Variants in GSG1L observed in about 807,000 individuals in gnomAD.
GSG1L encodes the protein germ cell-specific gene 1-like protein.
In GSG1L, 24 loss-of-function variants were observed where a neutral mutation model predicts 42.1. The ratio of observed to expected loss-of-function variants is 0.57; its 90% confidence interval spans 0.41 to 0.80. GSG1L has a LOEUF of 0.80. Among genes scored for constraint, GSG1L ranks in the 30% least tolerant of loss-of-function variants. The pLI is 0.00. For missense variants in GSG1L, 445 were observed against 472.2 expected, an observed-to-expected ratio of 0.94 and a Z score of 0.53; for synonymous variants, 215 against 203.5, an observed-to-expected ratio of 1.06 and a Z score of -0.48.
intron 5 of GSG1L, among the ~76,000 whole-genome samples, chr16:27,810,538 G>A (rs1443360008): frequency 6.6e-6 from 1 of 152,158 alleles, no homozygotes; most frequent in Non-Finnish European, 1.5e-5. Context: ...GGCTAGGCCT[G>A]TACTTCCCAG....
At chr16:27,832,908 C>T (rs1403439026) in intron 4 of GSG1L, among the ~76,000 whole-genome samples, 1 of 152,152 alleles carries the variant, frequency 6.6e-6, no homozygotes, top group African/African-American at 2.4e-5. Context: ...TTCTCTCAGT[C>T]TATAGCTTTC....
At chr16:27,947,430 G>GAAAGAA (rs2084889928) in intron 2 of GSG1L, among the ~76,000 whole-genome samples, 1 of 85,384 alleles carries the variant, frequency 1.2e-5, no homozygotes, top group South Asian at 3.4e-4. Flanking sequence ...GAAAGAAAGA[G>GAAAGAA]AAGGAAGGAA....
At chr16:27,872,004 G>C (rs2083827617) in intron 3 of GSG1L, among the ~76,000 whole-genome samples, 1 of 152,206 alleles carries the variant, frequency 6.6e-6, no homozygotes, top group South Asian at 2.1e-4. Context: ...CTTTAAGCAT[G>C]ATATGTAAAT....
At chr16:28,055,464 T>C (rs562353541) in intron 1 of GSG1L, among the ~76,000 whole-genome samples, 42 of 149,414 alleles carry the variant, frequency 2.8e-4, no homozygotes, top group African/African-American at 9.5e-4. Flanking sequence ...CTCCCCCTTT[T>C]ATTATTTTTT....
chr16:28,047,717 A>G (rs1223838456), intron 1 of GSG1L, among the ~76,000 whole-genome samples: 1 of 152,248 alleles, frequency 6.6e-6, no homozygotes, highest in African/African-American at 2.4e-5. Context: ...TAGCCATTTT[A>G]TCTTGACAAA....
At chr16:27,795,435 T>C (rs1320438164) in intron 6 of GSG1L, among the ~76,000 whole-genome samples, 1 of 152,190 alleles carries the variant, frequency 6.6e-6, no homozygotes. Flanking sequence ...TTAAGCCGTG[T>C]GGCTTCTGAC....
intron 4 of GSG1L, among the ~76,000 whole-genome samples, chr16:27,844,585 G>C (rs965468684): frequency 1.3e-5 from 2 of 152,214 alleles, no homozygotes; most frequent in Admixed American, 1.3e-4. Context: ...AAAACAATGA[G>C]AGTAGCTGTG....
chr16:27,804,191 C>T (rs2082929846), intron 6 of GSG1L, among the ~76,000 whole-genome samples: 1 of 152,074 alleles, frequency 6.6e-6, no homozygotes, highest in South Asian at 2.1e-4. Flanking sequence ...CCCTCCACTG[C>T]ATAGCGAACT....
intron 3 of GSG1L, among the ~76,000 whole-genome samples, chr16:27,852,456 C>T (rs1416806417): frequency 6.6e-6 from 1 of 151,930 alleles, no homozygotes; most frequent in Non-Finnish European, 1.5e-5. Flanking sequence ...GAGGAGAAGT[C>T]CCGGGGTCTG....
At chr16:27,988,930 G>C (rs941036625) in intron 1 of GSG1L, among the ~76,000 whole-genome samples, 2 of 151,592 alleles carry the variant, frequency 1.3e-5, no homozygotes, top group Non-Finnish European at 2.9e-5. Flanking sequence ...GTGCATGCCT[G>C]TAATCCCTGC....
chr16:27,819,440 C>T (rs761920420), intron 5 of GSG1L, among the ~76,000 whole-genome samples: 5 of 152,152 alleles, frequency 3.3e-5, no homozygotes, highest in Non-Finnish European at 5.9e-5. Flanking sequence ...AAAGGCCGTA[C>T]CGACAGCACG....
At chr16:27,922,856 T>C (rs139773508) in intron 2 of GSG1L, among the ~76,000 whole-genome samples, 1 of 152,098 alleles carries the variant, frequency 6.6e-6, no homozygotes, top group Admixed American at 6.5e-5. Flanking sequence ...CAATCATAGC[T>C]CACTGCAGCC....
rs2085041294 is a variant in GSG1L, at chr16:27,959,309, A to C, written c.397+3847T>G. ...CCCATCTCTACTAATAATACAAAAA[A>C]AAAAAAAAATTAGCCGGGCATGGTG... On this transcript the variant is annotated intron_variant, in intron 2 of 6. Transcript: ENST00000447459. Among the ~76,000 whole-genome samples, 4 of 151,234 alleles carry C rather than the reference A, an allele frequency of 2.6e-5. No individual in the cohort carries two copies. In the South Asian group the frequency reaches 8.4e-4, roughly 32 times the overall value.
chr16:27,972,189 T>A (rs756819893), intron 1 of GSG1L, among the ~76,000 whole-genome samples: 10 of 152,340 alleles, frequency 6.6e-5, no homozygotes, highest in Non-Finnish European at 1.0e-4. Flanking sequence ...GCTCTCACAC[T>A]TCCATTTCTG....
intron 2 of GSG1L, among the ~76,000 whole-genome samples, chr16:27,923,125 C>A (rs1376967890): frequency 6.6e-6 from 1 of 152,176 alleles, no homozygotes; most frequent in East Asian, 1.9e-4. Context: ...ACTGATTTGA[C>A]AAATTGAACT....
At chr16:27,981,168 G>A (rs964861009) in intron 1 of GSG1L, among the ~76,000 whole-genome samples, 53 of 152,288 alleles carry the variant, frequency 3.5e-4, no homozygotes, top group African/African-American at 1.2e-3. Flanking sequence ...CCTTCCAGAC[G>A]TGCCCAGCGA....
At position 27,903,721 on chromosome 16, in the gene GSG1L, T is replaced by G. The variant is rs74015132; in HGVS notation, c.398-19083A>C. Among the ~76,000 whole-genome samples the G allele has an allele frequency of 7.1e-3, 1,082 of 152,130 alleles. 16 individuals carry two copies. The highest frequency in any genetic ancestry group is 0.025 in the African/African-American group (1,027 of 41,502). ...CAAATCCTCCAGGGCAGGCCAGAAG[T>G]CAGGGGCTTGGCGGACAGAGTGCAG... On this transcript the variant is annotated intron_variant, in intron 2 of 6. Coordinates refer to ENST00000447459, the MANE Select transcript of GSG1L (RefSeq NM_001109763.2).
In GSG1L at chr16:27,936,056, G is replaced by C. The variant is rs560245765; in HGVS notation, c.397+27100C>G. Among the ~76,000 whole-genome samples the C allele has an allele frequency of 6.6e-5, 10 of 151,330 alleles. No homozygotes were observed. In the East Asian group the frequency reaches 1.9e-3, roughly 29 times the overall value. On this transcript the variant is annotated intron_variant, in intron 2 of 6. Coordinates refer to ENST00000447459, the MANE Select transcript of GSG1L (RefSeq NM_001109763.2). ...CCCAGGGAATCACCCCCACCCTTCA[G>C]GACCCTGCCAGACCTTCACCCAGCC...
chr16:27,880,960 C>G (rs190432459), intron 3 of GSG1L, among the ~76,000 whole-genome samples: 9 of 151,944 alleles, frequency 5.9e-5, no homozygotes, highest in Admixed American at 5.9e-4. Context: ...CCCCTCCAGC[C>G]CCTTCCACTT....
Sources: gnomAD v4.1 joint callset for allele counts (sites outside exome capture counted in the v4.1 genomes callset) on GRCh38, gnomAD v4.1.1 for gene constraint, MANE v1.5 for transcripts, NCBI Gene and HGNC (gene_info 2026-07-23, HGNC 2026-07-21) for gene names.